The following MEGF9 variants were observed in gnomAD, a reference collection of about 807,000 sequenced individuals.
The protein encoded by MEGF9 is multiple epidermal growth factor-like domains protein 9.
Under a neutral mutation model 46.8 loss-of-function variants are expected in MEGF9, and 6 were observed. The observed-to-expected ratio is 0.13, with a 90% confidence interval of 0.07 to 0.25. The LOEUF is 0.25. Among genes scored for constraint, MEGF9 ranks in the 10% least tolerant of loss-of-function variants. MEGF9 has a pLI of 1.00. For synonymous variants in MEGF9, 302 were observed against 330.7 expected (o/e 0.91, Z 0.94); for missense variants, 683 against 792.4 (o/e 0.86, Z 1.66).
chr9:120,702,825 C>A (rs2043911397), intron 1 of MEGF9, among the ~76,000 whole-genome samples: 1 of 152,204 alleles, frequency 6.6e-6, no homozygotes, highest in Non-Finnish European at 1.5e-5. Context: ...CCAAACACAT[C>A]TGAGGAACCC....
chr9:120,645,123 G>A (rs2043619936), intron 2 of MEGF9, among the ~76,000 whole-genome samples: 1 of 152,124 alleles, frequency 6.6e-6, no homozygotes, highest in South Asian at 2.1e-4. Flanking sequence ...GGTTTAACAA[G>A]ACTCTTTATA....
At position 120,714,432 on chromosome 9, in the gene MEGF9, C is replaced by CCGCCACCGCCACCGGGCG; in HGVS notation, c.-92_-75dup. The CCGCCACCGCCACCGGGCG allele has an allele frequency of 8.6e-7, 1 of 1,158,398 alleles. No individual in the cohort carries two copies. Among genetic ancestry groups the CCGCCACCGCCACCGGGCG allele is most frequent in the African/African-American group, 1.6e-5 (1 of 61,922 alleles). The allele number at this position is 1,158,398 out of a possible 1,614,324, so 71.8% of individuals were successfully genotyped here. A position where few individuals can be genotyped will look rare whatever the true frequency, so the allele number is the denominator to read the frequency against. On this transcript the variant is annotated 5_prime_UTR_variant, in exon 1 of 6. Coordinates refer to ENST00000373930, the MANE Select transcript of MEGF9 (RefSeq NM_001080497.3). Reference sequence around the variant, plus strand: ...ACCAAGGAAGCCTCCGCAACCGCCGCCGCCACCGCCACCGGGCGCACCATC... The same window carrying CCGCCACCGCCACCGGGCG: ...ACCAAGGAAGCCTCCGCAACCGCCGCCGCCACCGCCACCGGGCGCGCCACCGCCACCGGGCGCACCATC...
At chr9:120,649,252 G>A (rs965559164) in intron 2 of MEGF9, among the ~76,000 whole-genome samples, 2 of 152,228 alleles carry the variant, frequency 1.3e-5, no homozygotes, top group Non-Finnish European at 2.9e-5. Context: ...AAGGAAAGCT[G>A]ACTGTAAATT....
chr9:120,631,348 T>C (rs1008867219), intron 2 of MEGF9, among the ~76,000 whole-genome samples: 1 of 152,212 alleles, frequency 6.6e-6, no homozygotes. Flanking sequence ...TCTGTTTTTA[T>C]GCCAGTACCA....
At chr9:120,613,990 T>TC (rs2043460200) in intron 3 of MEGF9, among the ~76,000 whole-genome samples, 1 of 151,436 alleles carries the variant, frequency 6.6e-6, no homozygotes, top group African/African-American at 2.4e-5. Flanking sequence ...AATGAAAATG[T>TC]CATCAACCTA....
At chr9:120,631,134 C>T (rs181362682) in intron 2 of MEGF9, among the ~76,000 whole-genome samples, 1 of 152,270 alleles carries the variant, frequency 6.6e-6, no homozygotes, top group East Asian at 1.9e-4. Context: ...GTTCTTTAGT[C>T]AATTTGGAAA....
intron 1 of MEGF9, among the ~76,000 whole-genome samples, chr9:120,691,106 T>C (rs16910043): frequency 0.061 from 9,208 of 152,122 alleles, 927 homozygotes; most frequent in African/African-American, 0.21. Context: ...TCCAGGAGTA[T>C]TTATGTTGCC....
chr9:120,627,765 T>C (rs2043531829), intron 2 of MEGF9, among the ~76,000 whole-genome samples: 1 of 152,194 alleles, frequency 6.6e-6, no homozygotes, highest in South Asian at 2.1e-4. Context: ...GCCCAGCCCA[T>C]AGTTCTAATT....
intron 3 of MEGF9, among the ~76,000 whole-genome samples, chr9:120,612,925 CTT>C (rs58019064): frequency 0.57 from 77,424 of 134,878 alleles, 23,241 homozygotes; most frequent in South Asian, 0.73. Context: ...ATGCACAAAT[CTT>C]TTTTTTTTTT....
At chr9:120,672,972 G>A (rs530999664) in intron 1 of MEGF9, among the ~76,000 whole-genome samples, 46 of 152,194 alleles carry the variant, frequency 3.0e-4, no homozygotes, top group African/African-American at 9.6e-4. Context: ...GCGGTGAACC[G>A]AGATTGCGCC....
chr9:120,628,468 G>GTTTT lies in MEGF9; in HGVS notation c.804-5717_804-5714dup, dbSNP rs1170322238. On this transcript the variant is annotated intron_variant, in intron 2 of 5. Transcript: ENST00000373930. ...TATTCAGACAGAAATTCTTGTCGTT[G>GTTTT]TTTTTTTTTTTTTTTTTTTTTTTTT... Among the ~76,000 whole-genome samples the GTTTT allele has an allele frequency of 5.0e-3, 343 of 69,060 alleles. 92 individuals carry two copies. Among genetic ancestry groups the GTTTT allele is most frequent in the East Asian group, 0.018 (39 of 2,192 alleles). The allele number at this position is 69,060 out of a possible 152,430, so 45.3% of individuals were successfully genotyped here.
rs1180465710 is a variant in MEGF9, at chr9:120,622,786, AG to A, written c.804-32del. ...AATAAAAGCAAAGACAATGAATAAA[AG>A]TAAATCAATTTAAAAGTTGTATTGA... On this transcript the variant is annotated intron_variant, in intron 2 of 5. Transcript: ENST00000373930. 1.9e-6 allele frequency: 3 copies of A among 1,609,794 alleles called. No individual in the cohort carries two copies. In the African/African-American group the frequency reaches 4.0e-5, roughly 22 times the overall value.
At chr9:120,696,831 A>C (rs2043879248) in intron 1 of MEGF9, among the ~76,000 whole-genome samples, 1 of 152,204 alleles carries the variant, frequency 6.6e-6, no homozygotes, top group African/African-American at 2.4e-5. Flanking sequence ...TACTTTATAT[A>C]TGTATTCTCC....
At chr9:120,669,424 TACAA>T (rs755728363) in intron 1 of MEGF9, among the ~76,000 whole-genome samples, 1 of 152,046 alleles carries the variant, frequency 6.6e-6, no homozygotes, top group Admixed American at 6.6e-5. Flanking sequence ...AAAATCCAGC[TACAA>T]ACAGTTTACA....
At chr9:120,636,310 G>A (rs1431839058) in intron 2 of MEGF9, among the ~76,000 whole-genome samples, 1 of 152,144 alleles carries the variant, frequency 6.6e-6, no homozygotes, top group East Asian at 1.9e-4. Context: ...TTAGTTTGCT[G>A]GTTGAAAAGG....
chr9:120,705,794 G>C (rs2132345782), intron 1 of MEGF9, among the ~76,000 whole-genome samples: 2 of 151,806 alleles, frequency 1.3e-5, no homozygotes, highest in South Asian at 4.2e-4. Flanking sequence ...GGCAGTCAGG[G>C]TAGTCATTTC....
At chr9:120,675,757 G>A (rs978961207) in intron 1 of MEGF9, among the ~76,000 whole-genome samples, 5 of 151,496 alleles carry the variant, frequency 3.3e-5, no homozygotes, top group East Asian at 1.9e-4. Context: ...GTGTGGTGGC[G>A]GGCGCCTGTA....
chr9:120,635,075 C>T (rs2043568159), intron 2 of MEGF9, among the ~76,000 whole-genome samples: 2 of 152,130 alleles, frequency 1.3e-5, no homozygotes, highest in African/African-American at 4.8e-5. Flanking sequence ...TGAAGGATAG[C>T]TTTTCTGGGT....
intron 1 of MEGF9, among the ~76,000 whole-genome samples, chr9:120,703,582 T>C (rs541952171): frequency 5.9e-5 from 9 of 152,346 alleles, no homozygotes; most frequent in African/African-American, 2.2e-4. Context: ...AAGTGTTAAA[T>C]ATCAGATTAA....
Sources: gnomAD v4.1 joint callset for allele counts (sites outside exome capture counted in the v4.1 genomes callset) on GRCh38, gnomAD v4.1.1 for gene constraint, MANE v1.5 for transcripts, NCBI Gene and HGNC (gene_info 2026-07-23, HGNC 2026-07-21) for gene names.